CTNNA2: variants seen among roughly 807,000 people sequenced by gnomAD.
CTNNA2 encodes catenin alpha 2.
In CTNNA2, 42 loss-of-function variants were observed where a neutral mutation model predicts 101.0. The observed-to-expected ratio is 0.42, with a 90% CI of 0.32 to 0.54. The LOEUF is 0.54. CTNNA2 is among the 20% of genes least tolerant of loss of function. The pLI, the probability that CTNNA2 is intolerant of heterozygous loss-of-function variation, is 0.14. For synonymous variants in CTNNA2, 450 were observed against 456.4 expected (o/e 0.99, Z 0.18); for missense variants, 871 against 1,223.1 (o/e 0.71, Z 4.29).
Position 79,230,371 on chromosome 2 carries a change from G to A in CTNNA2, c.-406+32295G>A, listed in dbSNP as rs1037054146. The stretch of plus-strand genomic sequence containing the variant: ...AAAGGGCCAAGGTACAGCTTGGGCC[G>A]TGGCTTCAGAGGGTGGAAGCCCCAG... On this transcript the variant is annotated intron_variant, in intron 2 of 21. Transcript: ENST00000466387. Among the ~76,000 whole-genome samples the A allele has an allele frequency of 2.0e-4, 30 of 152,308 alleles. 1 individual carries two copies. The highest frequency in any genetic ancestry group is 1.0e-3 in the Admixed American group (16 of 15,300).
At chr2:79,986,337 C>T (rs1289112408) in intron 7 of CTNNA2, among the ~76,000 whole-genome samples, 1 of 152,126 alleles carries the variant, frequency 6.6e-6, no homozygotes, top group Admixed American at 6.5e-5. Context: ...TACTTTGTAA[C>T]CATCACTTGC....
intron 1 of CTNNA2, among the ~76,000 whole-genome samples, chr2:79,622,545 A>C (rs2104297272): frequency 6.6e-6 from 1 of 152,352 alleles, no homozygotes; most frequent in Non-Finnish European, 1.5e-5. Context: ...TGATAAGAAA[A>C]CATTATTTTT....
chr2:79,573,585 C>T (rs757609770), intron 1 of CTNNA2, among the ~76,000 whole-genome samples: 1 of 152,226 alleles, frequency 6.6e-6, no homozygotes, highest in Non-Finnish European at 1.5e-5. Context: ...ATGAGGGACT[C>T]ACATTTCCAA....
intron 7 of CTNNA2, among the ~76,000 whole-genome samples, chr2:80,254,027 C>T (rs1573520711): frequency 6.6e-6 from 1 of 151,944 alleles, no homozygotes; most frequent in Non-Finnish European, 1.5e-5. Context: ...ATTTGCATGC[C>T]AAGCCAAACA....
intron 7 of CTNNA2, among the ~76,000 whole-genome samples, chr2:80,035,366 G>A (rs1316323965): frequency 6.6e-6 from 1 of 152,112 alleles, no homozygotes; most frequent in East Asian, 1.9e-4. Flanking sequence ...AAAAAAAATT[G>A]GGAAGATTAA....
chr2:80,461,546 T>C (rs1684426251), intron 9 of CTNNA2, among the ~76,000 whole-genome samples: 1 of 152,208 alleles, frequency 6.6e-6, no homozygotes, highest in Non-Finnish European at 1.5e-5. Context: ...ATGCCTTAAC[T>C]AGTGTCATTG....
At chr2:79,959,009 C>G (rs2104522901) in intron 7 of CTNNA2, among the ~76,000 whole-genome samples, 1 of 152,170 alleles carries the variant, frequency 6.6e-6, no homozygotes. Flanking sequence ...ATGTATTAAT[C>G]AACACCATTT....
Position 80,310,603 on chromosome 2 carries a change from T to C in CTNNA2, c.1057-82608T>C, listed in dbSNP as rs562542089. Among the ~76,000 whole-genome samples the C allele has an allele frequency of 2.0e-5, 3 of 152,286 alleles. No homozygotes were observed. In the South Asian group the frequency reaches 6.2e-4, roughly 32 times the overall value. ...AGTTGGAGGTGCATTAGGGTTGTCT[T>C]TCTGGGAAAAGCTTTGATGTTAACA... On this transcript the variant is annotated intron_variant, in intron 7 of 18. Coordinates refer to ENST00000402739, the MANE Select transcript of CTNNA2 (RefSeq NM_001282597.3).
At chr2:79,275,237 A>G (rs758574161) in intron 2 of CTNNA2, among the ~76,000 whole-genome samples, 1 of 152,062 alleles carries the variant, frequency 6.6e-6, no homozygotes, top group Non-Finnish European at 1.5e-5. Flanking sequence ...TGTGCCCAAA[A>G]GAGGTAACTG....
At chr2:79,746,875 A>G (rs1289898829) in intron 3 of CTNNA2, among the ~76,000 whole-genome samples, 3 of 152,340 alleles carry the variant, frequency 2.0e-5, no homozygotes, top group Admixed American at 6.5e-5. Flanking sequence ...AAATTAATAA[A>G]GGCAGAGACC....
chr2:79,907,450 C>G (rs1424355317), intron 6 of CTNNA2, among the ~76,000 whole-genome samples: 1 of 151,926 alleles, frequency 6.6e-6, no homozygotes, highest in Non-Finnish European at 1.5e-5. Context: ...CAATGGATGC[C>G]CCTGGAAAGA....
At chr2:79,919,656 G>A (rs1162140119) in intron 7 of CTNNA2, among the ~76,000 whole-genome samples, 1 of 152,162 alleles carries the variant, frequency 6.6e-6, no homozygotes, top group African/African-American at 2.4e-5. Flanking sequence ...GCAGCAGGCT[G>A]CACTCCACCA....
chr2:79,414,680 C>T (rs1678457885), intron 4 of CTNNA2, among the ~76,000 whole-genome samples: 1 of 152,058 alleles, frequency 6.6e-6, no homozygotes, highest in African/African-American at 2.4e-5. Flanking sequence ...CCAGAATCCA[C>T]AAGGTCTTCT....
intron 3 of CTNNA2, among the ~76,000 whole-genome samples, chr2:79,344,067 C>T (rs1677201327): frequency 1.3e-5 from 2 of 152,088 alleles, no homozygotes; most frequent in African/African-American, 4.8e-5. Flanking sequence ...TGTAGGTTGC[C>T]AGTCCTGGGC....
chr2:79,496,717 A>G (rs1020212560), intron 4 of CTNNA2, among the ~76,000 whole-genome samples: 9 of 151,556 alleles, frequency 5.9e-5, no homozygotes, highest in African/African-American at 2.2e-4. Context: ...ATATAATTTT[A>G]TATATGTATT....
At chr2:79,799,680 T>TA (rs1419682533) in intron 3 of CTNNA2, among the ~76,000 whole-genome samples, 1 of 152,220 alleles carries the variant, frequency 6.6e-6, no homozygotes, top group Non-Finnish European at 1.5e-5. Flanking sequence ...AATTTTTTCT[T>TA]AAAATTGTTT....
chr2:79,949,936 A>AT (rs1332644881), intron 7 of CTNNA2, among the ~76,000 whole-genome samples: 1 of 152,084 alleles, frequency 6.6e-6, no homozygotes, highest in Non-Finnish European at 1.5e-5. Context: ...TGGAGGATTG[A>AT]TTTTTTTCTG....
chr2:80,250,782 G>T (rs1484910047), intron 7 of CTNNA2, among the ~76,000 whole-genome samples: 1 of 152,122 alleles, frequency 6.6e-6, no homozygotes, highest in Admixed American at 6.5e-5. Context: ...CTAACATTTA[G>T]TGACTTTGGG....
chr2:80,233,060 A>C (rs1709348358), intron 7 of CTNNA2, among the ~76,000 whole-genome samples: 1 of 152,126 alleles, frequency 6.6e-6, no homozygotes, highest in South Asian at 2.1e-4. Context: ...GAGAAAAGAG[A>C]ATTACTCTTT....
Sources: gnomAD v4.1 joint callset for allele counts (sites outside exome capture counted in the v4.1 genomes callset) on GRCh38, gnomAD v4.1.1 for gene constraint, MANE v1.5 for transcripts, NCBI Gene and HGNC (gene_info 2026-07-23, HGNC 2026-07-21) for gene names.